NARF: variants seen among roughly 807,000 people sequenced by gnomAD.
NARF encodes nuclear prelamin A recognition factor.
NARF carries 41 observed loss-of-function variants against 48.0 expected under a neutral mutation model. That is an observed-to-expected ratio of 0.85 (90% CI 0.66 to 1.11). The LOEUF (loss-of-function observed/expected upper bound fraction) is 1.11. Ranked by LOEUF, NARF falls within the 50% of genes least tolerant of loss-of-function variation. NARF has a pLI of 0.00. For missense variants in NARF, 613 were observed against 590.2 expected, an observed-to-expected ratio of 1.04 and a Z score of -0.40; for synonymous variants, 215 against 225.5, an observed-to-expected ratio of 0.95 and a Z score of 0.42.
At chr17:82,487,797 C>CTAAA in intron 10 of NARF, 119 bp from the exon 11 acceptor site, 7 of 505,656 alleles carry the variant, frequency 1.4e-5, no homozygotes, top group Non-Finnish European at 2.4e-5. Flanking sequence ...CCAATCTCTA[C>CTAAA]AAAAAATTTA....
intron 4 of NARF, among the ~76,000 whole-genome samples, chr17:82,471,377 C>T (rs1257650898): frequency 4.0e-5 from 6 of 149,796 alleles, no homozygotes; most frequent in Non-Finnish European, 8.9e-5. Context: ...ATGGTGTGAA[C>T]CTGGGAGGCG....
In NARF at chr17:82,482,192, G is replaced by A. The variant is rs149086168; in HGVS notation, c.769+981G>A. The stretch of plus-strand genomic sequence containing the variant: ...GATCAGTGGTAGATGAGGCAGAGAG[G>A]TCAGCTCTCAGGGACAATCTTTAAG... On this transcript the variant is annotated intron_variant, in intron 7 of 10. Coordinates refer to ENST00000309794, the MANE Select transcript of NARF (RefSeq NM_012336.4). 8.3e-4 allele frequency: 320 copies of A among 385,394 alleles called. 7 individuals carry two copies. In the East Asian group the frequency reaches 0.026, roughly 32 times the overall value. 23.9% of individuals were successfully genotyped at this position (385,394 alleles called of 1,614,324 possible).
At chr17:82,480,948 AAG>A (rs1555629688) in intron 6 of NARF, 132 bp from the exon 7 acceptor site, 21,354 of 1,020,524 alleles carry the variant, frequency 0.021, 159 homozygotes, top group Admixed American at 0.044. Context: ...AAAAAAAAAA[AAG>A]AGTGCAGCAT....
At chr17:82,484,586 C>T (rs2044051329) in intron 8 of NARF, 2 of 443,096 alleles carry the variant, frequency 4.5e-6, no homozygotes, top group Non-Finnish European at 8.0e-6. Flanking sequence ...TGTGCATGGG[C>T]TCGGCGTGAC....
intron 1 of NARF, among the ~76,000 whole-genome samples, chr17:82,459,791 C>A: frequency 6.6e-6 from 1 of 152,108 alleles, no homozygotes; most frequent in Admixed American, 6.5e-5. Flanking sequence ...ATCGCTTGAA[C>A]CCGGGAGGTG....
chr17:82,487,783 C>T, intron 10 of NARF, 133 bp from the exon 11 acceptor site: 2 of 625,358 alleles, frequency 3.2e-6, no homozygotes, highest in East Asian at 3.8e-5. Flanking sequence ...CCCGCCCCTC[C>T]CGCCCAATCT....
chr17:82,485,079 T>C, intron 9 of NARF, 129 bp downstream of exon 9: 2 of 1,223,760 alleles, frequency 1.6e-6, no homozygotes, highest in South Asian at 1.9e-5. Context: ...AAGGACTTTT[T>C]TGTGTTTATT....
intron 10 of NARF, 48 bp downstream of exon 10, chr17:82,485,702 G>A: frequency 6.2e-7 from 1 of 1,602,120 alleles, no homozygotes; most frequent in South Asian, 1.1e-5. Flanking sequence ...CGGGTGCTCA[G>A]GCCACACTGG....
intron 5 of NARF, among the ~76,000 whole-genome samples, chr17:82,478,339 G>A (rs909217894): frequency 7.9e-5 from 12 of 152,204 alleles, no homozygotes; most frequent in Non-Finnish European, 1.8e-4. Flanking sequence ...TTTAAAAAGC[G>A]TGCAGTTGTT....
intron 10 of NARF, among the ~76,000 whole-genome samples, chr17:82,486,515 G>A (rs1393178310): frequency 6.6e-6 from 1 of 152,202 alleles, no homozygotes; most frequent in African/African-American, 2.4e-5. Context: ...CGTAGAGGAG[G>A]GGAGGCCTCA....
chr17:82,480,079 T>C lies in NARF; in HGVS notation c.640-1003T>C, dbSNP rs59366127. On this transcript the variant is annotated intron_variant, in intron 6 of 10. Transcript: ENST00000309794. ...TGGCACAGCTGCAACCAGGGGCGGG[T>C]TTCCTCTTTTGCTCCGCCCCTGCCC... 1,421 of 188,010 alleles carry C rather than the reference T, an allele frequency of 7.6e-3. 28 individuals carry two copies. Among genetic ancestry groups the C allele is most frequent in the African/African-American group, 0.031 (1,324 of 42,826 alleles). 11.6% of individuals were successfully genotyped at this position (188,010 alleles called of 1,614,324 possible).
At chr17:82,469,668 C>CGAT (rs2043652523) in intron 4 of NARF, among the ~76,000 whole-genome samples, 1 of 152,036 alleles carries the variant, frequency 6.6e-6, no homozygotes, top group African/African-American at 2.4e-5. Flanking sequence ...TGCAATGATG[C>CGAT]GATCTTGGCT....
Position 82,483,378 on chromosome 17 carries a change from T to A in NARF, c.770-338T>A, listed in dbSNP as rs144355011. 1.3e-3 allele frequency: 418 copies of A among 316,320 alleles called. 4 individuals are homozygous for A. The highest frequency in any genetic ancestry group is 8.6e-3 in the African/African-American group (388 of 45,124). The allele number at this position is 316,320 out of a possible 1,614,324, so 19.6% of individuals were successfully genotyped here. ...TCATCCTATCTCTGTGAGCTTGTTA[T>A]ACACAAAAGTTTTCTGTTTGTTTCA... On this transcript the variant is annotated intron_variant, in intron 7 of 10. Coordinates refer to ENST00000309794, the MANE Select transcript of NARF (RefSeq NM_012336.4).
chr17:82,480,586 A>C, intron 6 of NARF: 1 of 409,564 alleles, frequency 2.4e-6, no homozygotes, highest in South Asian at 1.1e-4. Flanking sequence ...TGGCTACAGC[A>C]CTTTCATCTG....
At chr17:82,464,174 T>C in intron 2 of NARF, 113 bp from the exon 3 acceptor site, 1 of 1,398,156 alleles carries the variant, frequency 7.2e-7, no homozygotes, top group Non-Finnish European at 9.7e-7. Flanking sequence ...GCCTGGACCC[T>C]GGTATTATCT....
At chr17:82,460,136 G>C (rs1774715459) in intron 2 of NARF, 64 bp downstream of exon 2, 1 of 1,387,076 alleles carries the variant, frequency 7.2e-7, no homozygotes, top group Non-Finnish European at 1.0e-6. Flanking sequence ...TTTCTCTTTG[G>C]GGGCTCACAG....
Position 82,460,202 on chromosome 17 carries a change from C to A in NARF, c.108+130C>A, listed in dbSNP as rs186642869. On this transcript the variant is annotated intron_variant, in intron 2 of 10. Coordinates refer to ENST00000309794, the MANE Select transcript of NARF (RefSeq NM_012336.4). Reference sequence around the variant, plus strand: ...TGAAGTACGCGGGCATGGTGGCTCACGCCTGGAATCCCAGCACTTTGGGAG... The same window carrying A: ...TGAAGTACGCGGGCATGGTGGCTCAAGCCTGGAATCCCAGCACTTTGGGAG... 1,474 of 719,498 alleles carry A rather than the reference C, an allele frequency of 2.0e-3. 11 individuals are homozygous for A. Among genetic ancestry groups the A allele is most frequent in the Admixed American group, 7.4e-3 (247 of 33,236 alleles). The allele number at this position is 719,498 out of a possible 1,614,324, so 44.6% of individuals were successfully genotyped here.
In NARF at chr17:82,488,203, G is replaced by T; in HGVS notation, c.*46G>T. On this transcript the variant is annotated 3_prime_UTR_variant, in exon 11 of 11. Coordinates refer to ENST00000309794, the MANE Select transcript of NARF (RefSeq NM_012336.4). Reference sequence around the variant, plus strand: ...GCTGCTCTTGGGGCCAGAGCCAAGAGCCTCTCAGTAGAGGGAGGGGCTGCC... The same window carrying T: ...GCTGCTCTTGGGGCCAGAGCCAAGATCCTCTCAGTAGAGGGAGGGGCTGCC... The T allele has an allele frequency of 1.9e-6, 3 of 1,598,046 alleles. No homozygotes were observed. Among genetic ancestry groups the T allele is most frequent in the Non-Finnish European group, 2.6e-6 (3 of 1,170,466 alleles).
At chr17:82,484,781 A>T (rs2044056411) in intron 8 of NARF, 32 bp from the exon 9 acceptor site, 2 of 1,555,562 alleles carry the variant, frequency 1.3e-6, no homozygotes, top group Non-Finnish European at 1.7e-6. Context: ...GTCAGCATTC[A>T]TGAAGGACTT....
Sources: gnomAD v4.1 joint callset for allele counts (sites outside exome capture counted in the v4.1 genomes callset) on GRCh38, gnomAD v4.1.1 for gene constraint, MANE v1.5 for transcripts, NCBI Gene and HGNC (gene_info 2026-07-23, HGNC 2026-07-21) for gene names.